Variants in CHCHD3 observed in about 807,000 individuals in gnomAD.
CHCHD3 encodes the protein coiled-coil-helix-coiled-coil-helix domain containing 3.
In CHCHD3, 20 loss-of-function variants were observed where a neutral mutation model predicts 38.2. The ratio of observed to expected loss-of-function variants is 0.52; its 90% CI spans 0.37 to 0.76. The LOEUF is 0.76. CHCHD3 is among the 30% of genes least tolerant of loss of function. CHCHD3 has a pLI of 0.00. For missense variants in CHCHD3, 245 were observed against 279.2 expected, an observed-to-expected ratio of 0.88 and a Z score of 0.87; for synonymous variants, 82 against 100.0, an observed-to-expected ratio of 0.82 and a Z score of 1.07.
intron 2 of CHCHD3, among the ~76,000 whole-genome samples, chr7:133,066,834 A>C (rs1224368491): frequency 6.6e-6 from 1 of 152,198 alleles, no homozygotes; most frequent in Non-Finnish European, 1.5e-5. Context: ...AAAAGCTAGA[A>C]CAACCAACAA....
At chr7:132,843,717 T>C (rs562153979) in intron 5 of CHCHD3, among the ~76,000 whole-genome samples, 2 of 152,348 alleles carry the variant, frequency 1.3e-5, no homozygotes, top group South Asian at 4.1e-4. Context: ...TGGTAATAGG[T>C]TGCACATGCT....
chr7:132,990,951 T>TACACACACACACACAC (rs768136991), intron 3 of CHCHD3, among the ~76,000 whole-genome samples: 3,017 of 143,714 alleles, frequency 0.021, 194 homozygotes, highest in Admixed American at 0.13. Context: ...CAGACACACA[T>TACACACACACACACAC]ACACACACAC....
intron 2 of CHCHD3, among the ~76,000 whole-genome samples, chr7:133,055,492 A>G (rs1814296969): frequency 1.4e-5 from 2 of 144,846 alleles, no homozygotes; most frequent in Non-Finnish European, 3.0e-5. Context: ...TAATTGTTAT[A>G]TATTTATTAT....
In CHCHD3 at chr7:132,955,947, C is replaced by T. The variant is rs1188165569; in HGVS notation, c.369+19222G>A. The stretch of plus-strand genomic sequence containing the variant: ...GGGGATTTTCCGAAAACTGACTTAG[C>T]GGGATTCTTGCTCAAAGTGGATTCT... On this transcript the variant is annotated intron_variant, in intron 4 of 7. Coordinates refer to ENST00000262570, the MANE Select transcript of CHCHD3 (RefSeq NM_017812.4). Among the ~76,000 whole-genome samples the T allele has an allele frequency of 1.3e-4, 20 of 152,228 alleles. No individual in the cohort carries two copies. In the East Asian group the frequency reaches 3.3e-3, roughly 25 times the overall value.
At chr7:132,802,050 C>T (rs553984151) in intron 6 of CHCHD3, among the ~76,000 whole-genome samples, 4 of 152,322 alleles carry the variant, frequency 2.6e-5, no homozygotes, top group African/African-American at 7.2e-5. Flanking sequence ...ACTCTATATA[C>T]ACAGATACAC....
At chr7:132,841,901 G>T (rs1217538840) in intron 5 of CHCHD3, among the ~76,000 whole-genome samples, 4 of 151,984 alleles carry the variant, frequency 2.6e-5, no homozygotes, top group African/African-American at 9.7e-5. Context: ...TTCGAGACCA[G>T]CCTGGCCAAC....
In CHCHD3 at chr7:132,992,622, T is replaced by A. The variant is rs150411038; in HGVS notation, c.252-17336A>T. 7.0e-3 allele frequency among the ~76,000 whole-genome samples: 1,070 copies of A among 152,320 alleles called. 10 individuals are homozygous for A. Among genetic ancestry groups the A allele is most frequent in the African/African-American group, 0.024 (997 of 41,554 alleles). ...TACACTGGATTTTGAACACTTGGTA[T>A]GAAAATAAATTTTATACTCCTTATG... is the stretch of plus-strand genomic sequence containing the variant. On this transcript the variant is annotated intron_variant, in intron 3 of 7. Coordinates refer to ENST00000262570, the MANE Select transcript of CHCHD3 (RefSeq NM_017812.4).
chr7:132,944,849 T>C (rs1253645785), intron 4 of CHCHD3, among the ~76,000 whole-genome samples: 1 of 152,066 alleles, frequency 6.6e-6, no homozygotes, highest in Non-Finnish European at 1.5e-5. Context: ...TTTGTTTTAA[T>C]ATAACTGTCA....
intron 4 of CHCHD3, among the ~76,000 whole-genome samples, chr7:132,900,677 T>A (rs551380119): frequency 2.0e-5 from 3 of 152,336 alleles, no homozygotes; most frequent in Non-Finnish European, 4.4e-5. Context: ...ATCCTTAAGA[T>A]GCAACTCTAC....
At chr7:132,870,374 A>C (rs1236387872) in intron 5 of CHCHD3, among the ~76,000 whole-genome samples, 2 of 151,530 alleles carry the variant, frequency 1.3e-5, no homozygotes, top group African/African-American at 4.9e-5. Flanking sequence ...AAAAAAAGAT[A>C]AATACTTCAA....
At position 133,028,573 on chromosome 7, in the gene CHCHD3, T is replaced by C. The variant is rs563338837; in HGVS notation, c.170-3946A>G. On this transcript the variant is annotated intron_variant, in intron 2 of 7. Transcript: ENST00000262570. ...TGCATGGATTAATGGTTTATCATGA[T>C]AGTGGGACTGGTACCTTAAAAAGAA... Among the ~76,000 whole-genome samples, 4 of 152,126 alleles carry C rather than the reference T, an allele frequency of 2.6e-5. No individual in the cohort carries two copies. The East Asian group carries it at 5.8e-4, about 22-fold the overall frequency.
intron 6 of CHCHD3, among the ~76,000 whole-genome samples, chr7:132,824,161 C>T (rs907050022): frequency 1.3e-4 from 20 of 152,022 alleles, no homozygotes; most frequent in Admixed American, 2.0e-4. Context: ...ATATAATAAA[C>T]GTATACAACA....
At chr7:132,973,075 G>A (rs1253469426) in intron 4 of CHCHD3, 1 of 985,238 alleles carries the variant, frequency 1.0e-6, no homozygotes, top group Non-Finnish European at 1.2e-6. Context: ...TGCTGAGTGT[G>A]TGTATATATT....
intron 2 of CHCHD3, among the ~76,000 whole-genome samples, chr7:133,055,745 T>C (rs1814311051): frequency 6.6e-6 from 1 of 151,316 alleles, no homozygotes; most frequent in African/African-American, 2.4e-5. Context: ...GGAAGGCAAA[T>C]AGGATCAAGA....
intron 3 of CHCHD3, among the ~76,000 whole-genome samples, chr7:133,019,321 T>C (rs928401407): frequency 6.6e-6 from 1 of 152,162 alleles, no homozygotes; most frequent in Non-Finnish European, 1.5e-5. Context: ...AGAACATATG[T>C]AATAATAAAA....
At chr7:132,808,045 A>C (rs1806977601) in intron 6 of CHCHD3, among the ~76,000 whole-genome samples, 1 of 152,028 alleles carries the variant, frequency 6.6e-6, no homozygotes, top group African/African-American at 2.4e-5. Flanking sequence ...CCACATGCAA[A>C]CTCTACACAA....
chr7:132,892,420 G>A (rs1009929817), intron 4 of CHCHD3, among the ~76,000 whole-genome samples: 2 of 152,280 alleles, frequency 1.3e-5, no homozygotes, highest in Non-Finnish European at 2.9e-5. Context: ...TGGAACTTAT[G>A]TTTAAAAGGG....
chr7:132,957,938 C>G (rs1397161846), intron 4 of CHCHD3, among the ~76,000 whole-genome samples: 1 of 152,188 alleles, frequency 6.6e-6, no homozygotes, highest in Admixed American at 6.5e-5. Flanking sequence ...AGTTTGTCAA[C>G]AGGCTGAGAA....
At chr7:132,895,203 G>A (rs1809463173) in intron 4 of CHCHD3, among the ~76,000 whole-genome samples, 1 of 152,228 alleles carries the variant, frequency 6.6e-6, no homozygotes, top group African/African-American at 2.4e-5. Context: ...AGCTTTTACT[G>A]TAGGAGTGGT....
Sources: allele counts gnomAD v4.1 joint callset (sites outside exome capture counted in the v4.1 genomes callset), GRCh38; gene constraint gnomAD v4.1.1; transcripts MANE v1.5; gene names NCBI Gene and HGNC (gene_info 2026-07-23, HGNC 2026-07-21).